Variants in CELF2 observed in about 807,000 individuals in gnomAD.
CELF2 encodes CUG triplet repeat RNA-binding protein 2.
A neutral mutation model predicts 62.6 loss-of-function variants in CELF2; 8 were observed. That is an observed-to-expected ratio of 0.13 (90% confidence interval 0.07 to 0.23). CELF2 has a LOEUF of 0.23. CELF2 is among the 10% of genes least tolerant of loss of function. The probability of loss-of-function intolerance (pLI) is 1.00; values close to 1 mark genes in which losing one functional copy is unlikely to be tolerated. For synonymous variants in CELF2, 258 were observed against 250.0 expected (o/e 1.03, Z -0.30); for missense variants, 333 against 671.0 (o/e 0.50, Z 5.56).
At chr10:11,198,887 G>A (rs2058584874) in intron 2 of CELF2, among the ~76,000 whole-genome samples, 1 of 152,226 alleles carries the variant, frequency 6.6e-6, no homozygotes. Flanking sequence ...TCAACATCTT[G>A]TATATAAAGG....
At chr10:10,725,141 C>A in the CELF2 span, among the ~76,000 whole-genome samples, 1 of 152,128 alleles carries the variant, frequency 6.6e-6, no homozygotes, top group Non-Finnish European at 1.5e-5. Flanking sequence ...CTCTAATTTC[C>A]CTAAGGGTGG....
Position 11,191,543 on chromosome 10 carries a change from A to C in CELF2, c.271+25861A>C, listed in dbSNP as rs766602938. On this transcript the variant is annotated intron_variant, in intron 2 of 12. Transcript: ENST00000633077. The surrounding 1 kb of genome is among the most constrained non-coding windows in gnomAD (Gnocchi z 4.1). ...GTGACCTATCAAGGGGGCATACAAC[A>C]GGGACACCACCTTGAAATCTGAAGT... Among the ~76,000 whole-genome samples, 1 of 152,128 alleles carries C rather than the reference A, an allele frequency of 6.6e-6. No homozygotes were observed. The highest frequency in any genetic ancestry group is 1.5e-5 in the Non-Finnish European group (1 of 68,026).
the CELF2 span, among the ~76,000 whole-genome samples, chr10:10,535,793 G>A: frequency 6.6e-6 from 1 of 152,154 alleles, no homozygotes; most frequent in Non-Finnish European, 1.5e-5. Context: ...CTTATCCACA[G>A]GAGCAGAATG....
At chr10:10,898,723 G>T (rs527258267) in intron 1 of CELF2, among the ~76,000 whole-genome samples, 1 of 152,288 alleles carries the variant, frequency 6.6e-6, no homozygotes, top group South Asian at 2.1e-4. Context: ...CAGGAAATCA[G>T]GAAGGATATA....
At chr10:11,203,408 A>T (rs1181071864) in intron 2 of CELF2, among the ~76,000 whole-genome samples, 1 of 152,178 alleles carries the variant, frequency 6.6e-6, no homozygotes, top group African/African-American at 2.4e-5. Flanking sequence ...CATGTGTTAC[A>T]TTTTTTTAGT....
the CELF2 span, among the ~76,000 whole-genome samples, chr10:10,603,535 A>T: frequency 6.6e-6 from 1 of 152,184 alleles, no homozygotes; most frequent in Non-Finnish European, 1.5e-5. Flanking sequence ...GTGGAGAGAA[A>T]AGGGGGCTAA....
Position 11,223,130 on chromosome 10 carries a change from C to T in CELF2, c.354+5623C>T, listed in dbSNP as rs1201223435. Among the ~76,000 whole-genome samples, 1 of 152,178 alleles carries T rather than the reference C, an allele frequency of 6.6e-6. No homozygotes were observed. The highest frequency in any genetic ancestry group is 1.5e-5 in the Non-Finnish European group (1 of 68,032). On this transcript the variant is annotated intron_variant, in intron 3 of 12. Transcript: ENST00000633077. The surrounding 1 kb of genome is among the most constrained non-coding windows in gnomAD (Gnocchi z 5.1). ...TTCTTTGTTTATGGGTGCTTTGAGT[C>T]CGGATCATGGCAGATTCATGGTGCG...
chr10:10,687,478 C>A, the CELF2 span, among the ~76,000 whole-genome samples: 1 of 152,120 alleles, frequency 6.6e-6, no homozygotes, highest in East Asian at 1.9e-4. Flanking sequence ...ACTGAGAACA[C>A]AAGCCTTTGA....
the CELF2 span, among the ~76,000 whole-genome samples, chr10:10,577,418 T>C: frequency 2.0e-5 from 3 of 146,616 alleles, no homozygotes; most frequent in Non-Finnish European, 4.6e-5. Context: ...AGGGTACATG[T>C]GCACAATGTG....
chr10:11,095,733 C>G (rs1420806072), intron 1 of CELF2, among the ~76,000 whole-genome samples: 4 of 152,066 alleles, frequency 2.6e-5, no homozygotes, highest in Non-Finnish European at 5.9e-5. Context: ...GCAGTGCTCC[C>G]CACTAGGAGA....
chr10:11,249,243 T>G (rs775583073), intron 4 of CELF2, 42 bp downstream of exon 4: 1 of 1,519,304 alleles, frequency 6.6e-7, no homozygotes, highest in Non-Finnish European at 9.1e-7. Context: ...TAATATCTGC[T>G]GCTTTAAATT....
the CELF2 span, among the ~76,000 whole-genome samples, chr10:10,766,342 A>G: frequency 6.6e-6 from 1 of 152,176 alleles, no homozygotes; most frequent in African/African-American, 2.4e-5. Flanking sequence ...ACTGCCTGCC[A>G]TTGTTGCACT....
At chr10:11,031,540 C>G (rs1159607226) in intron 1 of CELF2, among the ~76,000 whole-genome samples, 3 of 152,172 alleles carry the variant, frequency 2.0e-5, no homozygotes, top group African/African-American at 4.8e-5. Flanking sequence ...AACCCACAAA[C>G]CATTTCATAC....
intron 2 of CELF2, among the ~76,000 whole-genome samples, chr10:10,976,996 T>C (rs1214118913): frequency 6.8e-6 from 1 of 147,874 alleles, no homozygotes; most frequent in African/African-American, 2.7e-5. Flanking sequence ...CCTATATGAC[T>C]GTGTCCCAGA....
the CELF2 span, among the ~76,000 whole-genome samples, chr10:10,789,712 C>A: frequency 1.2e-3 from 179 of 152,162 alleles, no homozygotes; most frequent in African/African-American, 4.1e-3. Context: ...TTGATTCTTA[C>A]AGAGATAGTT....
chr10:10,527,939 T>C, the CELF2 span, among the ~76,000 whole-genome samples: 5 of 152,198 alleles, frequency 3.3e-5, no homozygotes, highest in African/African-American at 9.7e-5. Context: ...GCTTTTTCAT[T>C]TCATTTTGAA....
chr10:10,492,656 G>T, the CELF2 span, among the ~76,000 whole-genome samples: 2 of 152,252 alleles, frequency 1.3e-5, no homozygotes, highest in Admixed American at 6.5e-5. Context: ...ATAACAAAAA[G>T]GTGGAAGTAA....
chr10:10,986,960 C>T (rs1031464553), intron 2 of CELF2, among the ~76,000 whole-genome samples: 1 of 152,208 alleles, frequency 6.6e-6, no homozygotes, highest in Non-Finnish European at 1.5e-5. Context: ...TGAAAATGTG[C>T]AGTCTGCTGT....
upstream of CELF2, among the ~76,000 whole-genome samples, chr10:11,016,410 G>C (rs776059236): frequency 3.9e-5 from 6 of 152,206 alleles, no homozygotes; most frequent in Non-Finnish European, 7.3e-5. The surrounding 1 kb of genome is among the most constrained non-coding windows in gnomAD (Gnocchi z 5.2). Context: ...TCAAAAGCCA[G>C]ATACATTGTT....
Sources: allele counts gnomAD v4.1 joint callset (sites outside exome capture counted in the v4.1 genomes callset), GRCh38; gene constraint gnomAD v4.1.1; non-coding constraint Gnocchi (gnomAD v3.1); transcripts MANE v1.5; gene names NCBI Gene and HGNC (gene_info 2026-07-23, HGNC 2026-07-21).